Variants in RBFOX1 observed in about 807,000 individuals in gnomAD.
RBFOX1 encodes the protein RNA binding fox-1 homolog 1.
RBFOX1 carries 8 observed loss-of-function variants against 57.7 expected under a neutral mutation model. The ratio of observed to expected loss-of-function variants is 0.14; its 90% CI spans 0.08 to 0.25. The LOEUF (loss-of-function observed/expected upper bound fraction) is 0.25. Among genes scored for constraint, RBFOX1 ranks in the 10% least tolerant of loss-of-function variants. RBFOX1 has a pLI of 1.00. For missense variants in RBFOX1, 611 were observed against 548.5 expected (o/e 1.11, Z -1.14); for synonymous variants, 326 against 222.4 (o/e 1.47, Z -4.15).
chr16:7,058,814 C>G (rs975803145), intron 4 of RBFOX1, among the ~76,000 whole-genome samples: 1 of 151,898 alleles, frequency 6.6e-6, no homozygotes, highest in African/African-American at 2.4e-5. Context: ...ATTTTATGTT[C>G]CATTTATTGT....
At chr16:5,922,580 C>G (rs2058848546) in intron 4 of RBFOX1, among the ~76,000 whole-genome samples, 1 of 152,116 alleles carries the variant, frequency 6.6e-6, no homozygotes, top group Non-Finnish European at 1.5e-5. Context: ...TGAAGTGTCC[C>G]CGTGGTGCAC....
At chr16:6,447,634 C>G (rs1185290080) in intron 2 of RBFOX1, among the ~76,000 whole-genome samples, 1 of 152,108 alleles carries the variant, frequency 6.6e-6, no homozygotes, top group Non-Finnish European at 1.5e-5. Flanking sequence ...CGTGCGCGGA[C>G]AAATCACATA....
intron 3 of RBFOX1, among the ~76,000 whole-genome samples, chr16:6,699,310 T>C (rs1190377677): frequency 6.6e-6 from 1 of 152,062 alleles, no homozygotes; most frequent in African/African-American, 2.4e-5. Flanking sequence ...TTTTTTTTTT[T>C]TTTTTAAAGT....
chr16:6,897,835 G>T (rs563912757), intron 3 of RBFOX1, among the ~76,000 whole-genome samples: 1 of 152,186 alleles, frequency 6.6e-6, no homozygotes, highest in African/African-American at 2.4e-5. Flanking sequence ...GGATTACAGA[G>T]CCCTGCAGTT....
At chr16:6,034,199 G>C (rs8044679) in intron 1 of RBFOX1, among the ~76,000 whole-genome samples, 32,539 of 151,330 alleles carry the variant, frequency 0.22, 4,041 homozygotes, top group Non-Finnish European at 0.28. Flanking sequence ...GCTGGGGGTG[G>C]TGGTGGGTGC....
chr16:6,872,172 C>T (rs115030689), intron 3 of RBFOX1, among the ~76,000 whole-genome samples: 81 of 152,236 alleles, frequency 5.3e-4, no homozygotes, highest in African/African-American at 1.8e-3. Flanking sequence ...AGCAGTACTA[C>T]GTCTGTCTTA....
intron 3 of RBFOX1, among the ~76,000 whole-genome samples, chr16:6,657,659 G>T (rs1026706437): frequency 1.3e-5 from 2 of 152,132 alleles, no homozygotes; most frequent in African/African-American, 4.8e-5. Context: ...AATGCTTCTG[G>T]CAAAATCAGT....
intron 1 of RBFOX1, among the ~76,000 whole-genome samples, chr16:6,217,946 G>A (rs1335348720): frequency 2.6e-5 from 4 of 152,182 alleles, no homozygotes; most frequent in Admixed American, 6.5e-5. Flanking sequence ...AACCGGGGAG[G>A]TGGAGGTTGT....
intron 4 of RBFOX1, chr16:5,867,445 G>C: frequency 2.5e-6 from 2 of 798,764 alleles, no homozygotes; most frequent in Non-Finnish European, 3.4e-6. Context: ...TTCATTTCCT[G>C]GTGGCTTGGA....
intron 3 of RBFOX1, among the ~76,000 whole-genome samples, chr16:6,839,939 G>A (rs529278474): frequency 6.6e-6 from 1 of 151,978 alleles, no homozygotes; most frequent in South Asian, 2.1e-4. Flanking sequence ...TTGCTTTAAC[G>A]TATGATGAGC....
At chr16:7,419,789 C>G (rs1490098246) in intron 4 of RBFOX1, among the ~76,000 whole-genome samples, 1 of 152,184 alleles carries the variant, frequency 6.6e-6, no homozygotes, top group Non-Finnish European at 1.5e-5. Context: ...TAACACATCG[C>G]ACACTGAAGA....
At chr16:6,687,303 G>A (rs192318510) in intron 3 of RBFOX1, among the ~76,000 whole-genome samples, 53 of 152,166 alleles carry the variant, frequency 3.5e-4, no homozygotes, top group Non-Finnish European at 5.3e-4. Flanking sequence ...GTTGGGAGGA[G>A]AATGTGGGGG....
Position 7,061,526 on chromosome 16 carries a change from C to G in RBFOX1, c.27+9428C>G, listed in dbSNP as rs2346249. 7.2e-5 allele frequency among the ~76,000 whole-genome samples: 11 copies of G among 151,976 alleles called. 1 individual carries two copies. The highest frequency in any genetic ancestry group is 2.7e-4 in the African/African-American group (11 of 41,394). On this transcript the variant is annotated intron_variant, in intron 4 of 15. Coordinates refer to ENST00000550418, the MANE Select transcript of RBFOX1 (RefSeq NM_018723.4). ...TAATTCACATATATGTTAATTAATT[C>G]TTTGAGTCTCCCCAGGCATTTGAAC...
chr16:7,137,515 C>T (rs2072372018), intron 4 of RBFOX1, among the ~76,000 whole-genome samples: 1 of 152,220 alleles, frequency 6.6e-6, no homozygotes, highest in Non-Finnish European at 1.5e-5. Flanking sequence ...CTTTCACCTT[C>T]CGCCATGATT....
At chr16:6,430,325 G>A (rs1170869993) in intron 2 of RBFOX1, among the ~76,000 whole-genome samples, 1 of 152,096 alleles carries the variant, frequency 6.6e-6, no homozygotes, top group African/African-American at 2.4e-5. Flanking sequence ...TGTGGCCGGG[G>A]AATGACAAAA....
intron 1 of RBFOX1, among the ~76,000 whole-genome samples, chr16:5,420,391 TAC>T (rs59939324): frequency 0.1 from 15,722 of 151,090 alleles, 1,009 homozygotes; most frequent in African/African-American, 0.18. Flanking sequence ...CACCCCCATA[TAC>T]ACACACACAC....
At chr16:6,274,891 T>A (rs2075626320) in intron 1 of RBFOX1, among the ~76,000 whole-genome samples, 2 of 152,192 alleles carry the variant, frequency 1.3e-5, no homozygotes, top group South Asian at 4.1e-4. Context: ...TGGTCATTGA[T>A]CCATTAATGA....
intron 5 of RBFOX1, among the ~76,000 whole-genome samples, chr16:7,530,577 G>A (rs1281675651): frequency 2.6e-5 from 4 of 151,888 alleles, no homozygotes; most frequent in African/African-American, 9.7e-5. Context: ...ATGGGTCTGT[G>A]TGAATTCAGC....
At chr16:7,050,744 G>C (rs867467654) in intron 3 of RBFOX1, among the ~76,000 whole-genome samples, 1 of 152,114 alleles carries the variant, frequency 6.6e-6, no homozygotes. Flanking sequence ...CATACTATCA[G>C]TATACTATAT....
Sources: gnomAD v4.1 joint callset for allele counts (sites outside exome capture counted in the v4.1 genomes callset) on GRCh38, gnomAD v4.1.1 for gene constraint, MANE v1.5 for transcripts, NCBI Gene and HGNC (gene_info 2026-07-23, HGNC 2026-07-21) for gene names.